The following KRTCAP3 variants were observed in gnomAD, a reference collection of about 807,000 sequenced individuals.
KRTCAP3 encodes the protein keratinocyte associated protein 3.
A neutral mutation model predicts 20.5 loss-of-function variants in KRTCAP3; 18 were observed. That is an observed-to-expected ratio of 0.88 (90% CI 0.61 to 1.31). The LOEUF (loss-of-function observed/expected upper bound fraction) is 1.31. KRTCAP3 is among the 50% of genes most tolerant of loss of function. The pLI, the probability that KRTCAP3 is intolerant of heterozygous loss-of-function variation, is 0.00. For synonymous variants in KRTCAP3, 167 were observed against 133.7 expected (o/e 1.25, Z -1.72); for missense variants, 347 against 310.4 (o/e 1.12, Z -0.89).
chr2:27,445,435 TTC>T (rs587777078), downstream of KRTCAP3: 3 of 1,611,018 alleles, frequency 1.9e-6, no homozygotes, highest in East Asian at 4.5e-5. The surrounding 1 kb of genome is among the most constrained non-coding windows in gnomAD (Gnocchi z 4.4). Context: ...CTCGAACCTC[TTC>T]TCTCTCAGCC....
chr2:27,445,540 T>C, downstream of KRTCAP3: 1 of 1,423,508 alleles, frequency 7.0e-7, no homozygotes, highest in Non-Finnish European at 9.5e-7. This position sits in a 1 kb window ranked among gnomAD's most constrained non-coding sequence, Gnocchi z 4.4. Flanking sequence ...TGCTAAGCCC[T>C]CATCCTGTAT....
rs777413657 is a variant in KRTCAP3 at position 27,442,427 on chromosome 2, T to C, written c.15T>C (p.Ser5=). 3.8e-6 allele frequency: 6 copies of C among 1,567,954 alleles called. No individual in the cohort carries two copies. The highest frequency in any genetic ancestry group is 2.4e-5 in the East Asian group (1 of 42,140). MRRC[S]LCAFDAARGP... is the part of the protein sequence containing the mutation. ...CGGCGGACGGGATGAGGCGCTGCAG[T>C]CTCTGCGCTTTCGGTAACTTCCGGG... Residue 5 remains serine (S), a synonymous_variant, in exon 1 of 7, where the codon AGT becomes AGC. Coordinates refer to ENST00000288873, the MANE Select transcript of KRTCAP3 (RefSeq NM_173853.4).
In KRTCAP3 at chr2:27,444,270, G is replaced by A. The variant is rs545654643; in HGVS notation, c.*90G>A. 4.6e-6 allele frequency: 3 copies of A among 649,710 alleles called. No homozygotes were observed. In the African/African-American group the frequency reaches 5.5e-5, roughly 12 times the overall value. The allele number at this position is 649,710 out of a possible 1,614,324, so 40.2% of individuals were successfully genotyped here. On this transcript the variant is annotated 3_prime_UTR_variant, in exon 7 of 7. Transcript: ENST00000288873. ...TGACCTCGGGATGAGATAACAAATT[G>A]TAATAAAGTAACTTCTCTTTTCTTC...
downstream of KRTCAP3, chr2:27,445,427 C>T (rs549415233): frequency 2.0e-5 from 33 of 1,611,524 alleles, no homozygotes; most frequent in East Asian, 2.5e-4. This position sits in a 1 kb window ranked among gnomAD's most constrained non-coding sequence, Gnocchi z 4.4. Flanking sequence ...CACCCAGTCT[C>T]GAACCTCTTC....
At chr2:27,445,679 A>T (rs1228306287), downstream of KRTCAP3, 60 of 1,568,514 alleles carry the variant, frequency 3.8e-5, no homozygotes, top group Non-Finnish European at 5.0e-5. This position sits in a 1 kb window ranked among gnomAD's most constrained non-coding sequence, Gnocchi z 4.4. Flanking sequence ...CAGCACAAAG[A>T]TATTCTCCCT....
chr2:27,444,901 G>C, downstream of KRTCAP3: 1 of 1,136,644 alleles, frequency 8.8e-7, no homozygotes, highest in Non-Finnish European at 1.2e-6. Flanking sequence ...CGCCCACCTT[G>C]GCCTCCCAAA....
rs1168094524 is a variant in KRTCAP3, at chr2:27,442,640, C to T, written c.90C>T (p.His30=). 1 of 1,575,608 alleles carries T rather than the reference C, an allele frequency of 6.3e-7. No homozygotes were observed. The highest frequency in any genetic ancestry group is 1.7e-4 in the Middle Eastern group (1 of 5,866). ...RVGLALILVG[H]VNLLLGAVLH... is the part of the protein sequence containing the mutation. ...GCCTCGCGCTGATCTTGGTGGGCCA[C>T]GTGAACCTGCTGCTGGGGGCCGTGC... The change falls in exon 2 of 7, where the codon CAC becomes CAT. Residue 30 remains histidine, a synonymous_variant. Transcript: ENST00000288873.
chr2:27,446,413 C>T (rs1279117691), downstream of KRTCAP3: 3 of 1,459,890 alleles, frequency 2.1e-6, no homozygotes, highest in Non-Finnish European at 2.9e-6. Context: ...GCTACCAGAC[C>T]AATGATCCTG....
intron 3 of KRTCAP3, 67 bp downstream of exon 3, chr2:27,442,968 C>G: frequency 6.3e-7 from 1 of 1,587,656 alleles, no homozygotes; most frequent in Non-Finnish European, 8.6e-7. Context: ...GCTGACTGAG[C>G]TTGGTCTTTC....
downstream of KRTCAP3, chr2:27,445,397 T>C: frequency 6.2e-7 from 1 of 1,612,880 alleles, no homozygotes; most frequent in Non-Finnish European, 8.5e-7. The surrounding 1 kb of genome is among the most constrained non-coding windows in gnomAD (Gnocchi z 4.4). Flanking sequence ...CTCCAGCCGC[T>C]GGTCCATGGA....
intron 1 of KRTCAP3, 50 bp downstream of exon 1, chr2:27,442,490 G>C (rs1447108629): frequency 6.4e-7 from 1 of 1,551,338 alleles, no homozygotes; most frequent in South Asian, 1.2e-5. Flanking sequence ...GGCTACCCTT[G>C]CCCCGTCCTA....
At chr2:27,445,662 A>G (rs1665009266), downstream of KRTCAP3, 3 of 1,524,974 alleles carry the variant, frequency 2.0e-6, no homozygotes, top group South Asian at 3.5e-5. The surrounding 1 kb of genome is among the most constrained non-coding windows in gnomAD (Gnocchi z 4.4). Context: ...GGTCCTTCCA[A>G]AGATGGCAGC....
chr2:27,442,788 G>A (rs1304608285), intron 2 of KRTCAP3, 25 bp downstream of exon 2: 12 of 1,610,930 alleles, frequency 7.4e-6, no homozygotes, highest in African/African-American at 5.3e-5. Context: ...CGACCCGGGC[G>A]GGGGCCGGGC....
chr2:27,442,696 A>G lies in KRTCAP3; in HGVS notation c.146A>G (p.Asn49Ser), dbSNP rs749806525. 3.1e-6 allele frequency: 5 copies of G among 1,588,956 alleles called. No individual in the cohort carries two copies. In the East Asian group the frequency reaches 6.7e-5, roughly 21 times the overall value. Residue 49 changes from asparagine (N) to serine (S), a missense_variant, in exon 2 of 7, where the codon AAT becomes AGT. Physicochemically the swap from Asn to Ser is conservative, Grantham distance 46. Coordinates refer to ENST00000288873, the MANE Select transcript of KRTCAP3 (RefSeq NM_173853.4). ...GGCACCGTCCTGCGGCACGTGGCCA[A>G]TCCCCGCGGCGCTGTCACGCCGGAG... ...LHGTVLRHVA[N>S]PRGAVTPEYT...
downstream of KRTCAP3, chr2:27,446,415 A>G (rs888578414): frequency 1.4e-6 from 2 of 1,442,780 alleles, no homozygotes; most frequent in East Asian, 2.3e-5. Flanking sequence ...TACCAGACCA[A>G]TGATCCTGTA....
At chr2:27,445,882 G>A (rs747003975), downstream of KRTCAP3, 12 of 1,613,998 alleles carry the variant, frequency 7.4e-6, no homozygotes, top group African/African-American at 1.3e-5. This position sits in a 1 kb window ranked among gnomAD's most constrained non-coding sequence, Gnocchi z 4.4. Context: ...GGCACAGCTC[G>A]CGACTGGCAA....
intron 5 of KRTCAP3, 74 bp from the exon 6 acceptor site, chr2:27,443,875 C>CA (rs958992887): frequency 1.2e-5 from 11 of 923,974 alleles, no homozygotes; most frequent in South Asian, 2.7e-5. Context: ...GGCTCCGTCA[C>CA]AAAAAACAAA....
At chr2:27,444,687 G>T (rs185432065), downstream of KRTCAP3, among the ~76,000 whole-genome samples, 1 of 152,008 alleles carries the variant, frequency 6.6e-6, no homozygotes, top group Admixed American at 6.6e-5. Context: ...TTGCTTTGTC[G>T]CCCAGGCTGG....
rs905508541 is a variant in KRTCAP3, at chr2:27,442,728, G to T, written c.178G>T (p.Val60Leu). ...CGGCGCTGTCACGCCGGAGTACACC[G>T]TAGCCAATGTCATCTCTGTCGGCTC... ...PRGAVTPEYT[V>L]ANVISVGSGL... is the part of the protein sequence containing the mutation. Residue 60 changes from valine (V) to leucine (L), a missense_variant, in exon 2 of 7, where the codon GTA becomes TTA. By Grantham distance (32) the Val-to-Leu change is conservative. Transcript: ENST00000288873. 2 of 1,605,748 alleles carry T rather than the reference G, an allele frequency of 1.2e-6. No homozygotes were observed. The highest frequency in any genetic ancestry group is 4.5e-5 in the East Asian group (2 of 44,676).
Sources: allele counts gnomAD v4.1 joint callset (sites outside exome capture counted in the v4.1 genomes callset), GRCh38; gene constraint gnomAD v4.1.1; non-coding constraint Gnocchi (gnomAD v3.1); transcripts MANE v1.5; gene names NCBI Gene and HGNC (gene_info 2026-07-23, HGNC 2026-07-21).